Variants in ARPP21 observed in about 807,000 individuals in gnomAD.
The protein encoded by ARPP21 is cAMP regulated phosphoprotein 21.
In ARPP21, 69 loss-of-function variants were observed where a neutral mutation model predicts 113.2. That is an observed-to-expected ratio of 0.61 (90% CI 0.50 to 0.74). The LOEUF is 0.74. Among genes scored for constraint, ARPP21 ranks in the 30% least tolerant of loss-of-function variants. The pLI is 0.00. For synonymous variants in ARPP21, 368 were observed against 375.5 expected (o/e 0.98, Z 0.23); for missense variants, 1,070 against 1,037.4 (o/e 1.03, Z -0.43).
At chr3:35,653,650 G>A (rs1181090998) in intron 1 of ARPP21, among the ~76,000 whole-genome samples, 1 of 151,916 alleles carries the variant, frequency 6.6e-6, no homozygotes, top group Non-Finnish European at 1.5e-5. Context: ...TTCCATCTCT[G>A]CCTCTTACTC....
chr3:35,666,024 C>A (rs764143158), intron 1 of ARPP21, among the ~76,000 whole-genome samples: 15 of 152,068 alleles, frequency 9.9e-5, no homozygotes, highest in Non-Finnish European at 2.1e-4. Flanking sequence ...CAACTCCAAC[C>A]TTACGGTTCA....
intron 19 of ARPP21, among the ~76,000 whole-genome samples, chr3:35,754,257 T>G (rs1229909519): frequency 6.6e-6 from 1 of 152,042 alleles, no homozygotes; most frequent in Non-Finnish European, 1.5e-5. Flanking sequence ...CTATTCTTTG[T>G]AATTTTTATT....
chr3:35,769,352 TA>T (rs1178351140), intron 19 of ARPP21, among the ~76,000 whole-genome samples: 6 of 152,150 alleles, frequency 3.9e-5, no homozygotes, highest in African/African-American at 1.4e-4. Flanking sequence ...TATGTTACTG[TA>T]ACATAAAGTA....
At chr3:35,762,950 A>G (rs1249102457) in intron 19 of ARPP21, among the ~76,000 whole-genome samples, 1 of 152,116 alleles carries the variant, frequency 6.6e-6, no homozygotes, top group Non-Finnish European at 1.5e-5. Flanking sequence ...ATTAAACATT[A>G]CTGATTCTGA....
chr3:35,740,546 C>T (rs138067773), intron 18 of ARPP21, among the ~76,000 whole-genome samples: 3 of 152,264 alleles, frequency 2.0e-5, no homozygotes, highest in African/African-American at 7.2e-5. Flanking sequence ...AGTTCATCTT[C>T]AGTTGCCTTC....
intron 11 of ARPP21, among the ~76,000 whole-genome samples, chr3:35,710,387 T>C: frequency 6.6e-6 from 1 of 152,174 alleles, no homozygotes; most frequent in East Asian, 1.9e-4. Flanking sequence ...AGTGATGAGA[T>C]GATCTTTTCC....
rs780983498 is a variant in ARPP21 at position 35,689,373 on chromosome 3, A to G, written c.473A>G (p.Lys158Arg). The change falls in exon 7 of 21, where the codon AAG (lysine) becomes AGG (arginine). Residue 158 changes from lysine (K) to arginine (R), a missense_variant. Lys to Arg is a conservative substitution (Grantham distance 26). Transcript: ENST00000684406. The stretch of plus-strand genomic sequence containing the variant: ...CACGAGTTTCTGATTAACACATTAA[A>G]GAATAATTCCAGGTAAATTATTAAA... ...DLHEFLINTL[K>R]NNSRDRMILL... The G allele has an allele frequency of 6.6e-7, 1 of 1,521,720 alleles. No individual in the cohort carries two copies. The allele number at this position is 1,521,720 out of a possible 1,614,324, so 94.3% of individuals were successfully genotyped here. A position where few individuals can be genotyped will look rare whatever the true frequency, so the allele number is the denominator to read the frequency against.
chr3:35,787,295 C>T (rs1195255667), intron 19 of ARPP21, among the ~76,000 whole-genome samples: 1 of 152,170 alleles, frequency 6.6e-6, no homozygotes, highest in African/African-American at 2.4e-5. Context: ...TAGCCTGGAA[C>T]AGTCAAATCA....
At chr3:35,644,860 G>A (rs577449351) in intron 1 of ARPP21, among the ~76,000 whole-genome samples, 39 of 151,892 alleles carry the variant, frequency 2.6e-4, no homozygotes, top group Non-Finnish European at 4.3e-4. Flanking sequence ...ATCTTTACAC[G>A]ATTTGCCCAA....
chr3:35,711,742 A>G (rs1040699277), intron 11 of ARPP21, among the ~76,000 whole-genome samples: 5 of 152,180 alleles, frequency 3.3e-5, no homozygotes, highest in Admixed American at 6.5e-5. Context: ...TTCACTGGCT[A>G]TAGGCTGGAG....
chr3:35,671,062 T>G (rs2076224105), intron 1 of ARPP21, among the ~76,000 whole-genome samples: 1 of 152,170 alleles, frequency 6.6e-6, no homozygotes, highest in Non-Finnish European at 1.5e-5. Flanking sequence ...GCCATACATT[T>G]GCTGTACCAG....
chr3:35,771,619 G>A (rs987302633), intron 19 of ARPP21, among the ~76,000 whole-genome samples: 4 of 152,122 alleles, frequency 2.6e-5, no homozygotes, highest in South Asian at 2.1e-4. Context: ...ATGAGCCACC[G>A]TGCCTGGACA....
chr3:35,691,150 T>A (rs951406350), intron 9 of ARPP21, 145 bp downstream of exon 9: 3 of 874,466 alleles, frequency 3.4e-6, no homozygotes, highest in Non-Finnish European at 4.9e-6. Flanking sequence ...TAGTGTGGCA[T>A]TTATCTGTAG....
At chr3:35,770,435 G>A (rs923336072) in intron 19 of ARPP21, among the ~76,000 whole-genome samples, 3 of 152,162 alleles carry the variant, frequency 2.0e-5, no homozygotes, top group South Asian at 4.1e-4. Flanking sequence ...TAGAAATGTG[G>A]CCTTTCATCT....
intron 1 of ARPP21, among the ~76,000 whole-genome samples, chr3:35,675,406 C>T (rs968294641): frequency 6.6e-6 from 1 of 151,790 alleles, no homozygotes; most frequent in Non-Finnish European, 1.5e-5. Context: ...TGGCTTCTTT[C>T]TCTGTGACAT....
Position 35,721,650 on chromosome 3 carries a change from C to A in ARPP21, c.1041C>A (p.Ser347Arg), listed in dbSNP as rs938970546. 4 of 1,613,644 alleles carry A rather than the reference C, an allele frequency of 2.5e-6. No homozygotes were observed. The African/African-American group carries it at 5.3e-5, about 22-fold the overall frequency. The part of the protein sequence containing the change: ...GSGRTSGSRQ[S>R]SSENELKWSD... ...GGAGAACATCTGGGAGTCGACAGAG[C>A]AGCTCAGAAAATGAACTCAAGTGGT... Residue 347 changes from serine (S) to arginine (R), a missense_variant, in exon 14 of 21, where the codon AGC (serine) becomes AGA (arginine). Ser to Arg is a moderately radical substitution (Grantham distance 110). Coordinates refer to ENST00000684406, the MANE Select transcript of ARPP21 (RefSeq NM_001385562.1).
chr3:35,687,935 C>T (rs2081090133), intron 6 of ARPP21, 52 bp downstream of exon 6: 1 of 1,509,296 alleles, frequency 6.6e-7, no homozygotes, highest in Non-Finnish European at 8.9e-7. Context: ...CACACATAGT[C>T]ACAGAACACA....
chr3:35,753,898 AG>A (rs2095485344), intron 19 of ARPP21, among the ~76,000 whole-genome samples: 1 of 151,802 alleles, frequency 6.6e-6, no homozygotes, highest in South Asian at 2.1e-4. Context: ...CAGTTGAGTA[AG>A]GGTTGACAGT....
At chr3:35,742,883 A>G (rs1043253422) in intron 18 of ARPP21, among the ~76,000 whole-genome samples, 5 of 152,224 alleles carry the variant, frequency 3.3e-5, no homozygotes, top group Admixed American at 6.5e-5. Flanking sequence ...ATAGAAAATA[A>G]TTAACTAAGA....
Sources: allele counts gnomAD v4.1 joint callset (sites outside exome capture counted in the v4.1 genomes callset), GRCh38; gene constraint gnomAD v4.1.1; transcripts MANE v1.5; gene names NCBI Gene and HGNC (gene_info 2026-07-23, HGNC 2026-07-21).